TIAM2: variants seen among roughly 807,000 people sequenced by gnomAD.
TIAM2 encodes rho guanine nucleotide exchange factor TIAM2.
In TIAM2, 80 loss-of-function variants were observed where a neutral mutation model predicts 152.9. The ratio of observed to expected loss-of-function variants is 0.52; its 90% confidence interval spans 0.44 to 0.63. The LOEUF is 0.63. Among genes scored for constraint, TIAM2 ranks in the 30% least tolerant of loss-of-function variants. The pLI is 0.00. For synonymous variants in TIAM2, 804 were observed against 838.0 expected (o/e 0.96, Z 0.70); for missense variants, 1,965 against 2,120.1 (o/e 0.93, Z 1.44).
intron 1 of TIAM2, among the ~76,000 whole-genome samples, chr6:155,030,894 A>C (rs1167435815): frequency 6.6e-6 from 1 of 152,140 alleles, no homozygotes; most frequent in Non-Finnish European, 1.5e-5. Context: ...GTCTCTCGTT[A>C]GAAGACTTGG....
chr6:155,245,763 T>TTTTTG, intron 19 of TIAM2, 32 bp downstream of exon 19: 1 of 1,459,302 alleles, frequency 6.9e-7, no homozygotes, highest in Non-Finnish European at 9.3e-7. Flanking sequence ...TAGTTTTTTT[T>TTTTTG]TTTTTTTGCA....
At chr6:155,090,622 C>A (rs1423536016) in intron 2 of TIAM2, among the ~76,000 whole-genome samples, 2 of 152,146 alleles carry the variant, frequency 1.3e-5, no homozygotes. Flanking sequence ...ATGGTCCACT[C>A]AGTGTGGAAA....
chr6:155,043,706 C>G (rs1777098383), intron 1 of TIAM2, among the ~76,000 whole-genome samples: 1 of 151,750 alleles, frequency 6.6e-6, no homozygotes, highest in Non-Finnish European at 1.5e-5. Flanking sequence ...AGGAGCCCCC[C>G]TGCACCCCCA....
chr6:155,029,437 ATTATACTATAGTATATAT>A lies in TIAM2; in HGVS notation c.-209+33947_-209+33964del, dbSNP rs1562295098. On this transcript the variant is annotated intron_variant, in intron 1 of 26. Transcript: ENST00000682666. ...ATATACTATATATACTATAGTATAT[ATTATACTATAGTATATAT>A]TATATATAATATATACTATAGTATA... Among the ~76,000 whole-genome samples the A allele has an allele frequency of 7.6e-4, 31 of 40,590 alleles. 2 individuals carry two copies. Among genetic ancestry groups the A allele is most frequent in the Admixed American group, 2.6e-3 (5 of 1,948 alleles). The allele number at this position is 40,590 out of a possible 152,430, so 26.6% of individuals were successfully genotyped here.
chr6:155,150,769 T>C (rs1779936965), intron 7 of TIAM2, among the ~76,000 whole-genome samples: 3 of 152,032 alleles, frequency 2.0e-5, no homozygotes, highest in Admixed American at 2.0e-4. Context: ...TCTTCTTAAC[T>C]GTATTCTAGC....
chr6:155,256,291 A>T (rs1562378557), intron 26 of TIAM2, 193 bp from the exon 27 acceptor site: 1 of 769,462 alleles, frequency 1.3e-6, no homozygotes, highest in Non-Finnish European at 2.0e-6. Context: ...CTAACTTACA[A>T]CTGTAAACCT....
intron 14 of TIAM2, among the ~76,000 whole-genome samples, chr6:155,194,220 G>A (rs1226463595): frequency 1.3e-5 from 2 of 152,210 alleles, no homozygotes; most frequent in African/African-American, 4.8e-5. Context: ...CTGTGGGGAG[G>A]TGTGTGAGTA....
chr6:155,163,331 C>T (rs1780324769), intron 7 of TIAM2, among the ~76,000 whole-genome samples: 1 of 152,200 alleles, frequency 6.6e-6, no homozygotes, highest in South Asian at 2.1e-4. Flanking sequence ...TCTGCTGAGT[C>T]CCTGTGTTGG....
intron 14 of TIAM2, among the ~76,000 whole-genome samples, chr6:155,196,246 T>C (rs999999554): frequency 3.9e-5 from 6 of 152,138 alleles, no homozygotes; most frequent in African/African-American, 9.7e-5. Flanking sequence ...ATCCAGAAAG[T>C]TGGAGTTTCC....
intron 1 of TIAM2, among the ~76,000 whole-genome samples, chr6:155,057,270 C>T (rs1215253080): frequency 6.6e-6 from 1 of 151,212 alleles, no homozygotes; most frequent in Non-Finnish European, 1.5e-5. Flanking sequence ...AACTCCCTAA[C>T]TTAAGCGATT....
chr6:155,185,542 G>A (rs1253301188), intron 14 of TIAM2, among the ~76,000 whole-genome samples: 1 of 145,710 alleles, frequency 6.9e-6, no homozygotes, highest in Non-Finnish European at 1.5e-5. Context: ...TTATTTATTG[G>A]CAAGGAAACA....
chr6:155,078,612 G>A (rs1037452154), intron 1 of TIAM2, among the ~76,000 whole-genome samples: 2 of 152,118 alleles, frequency 1.3e-5, no homozygotes, highest in Non-Finnish European at 2.9e-5. Context: ...AGCCAGCAAG[G>A]CTTTCCAGCT....
chr6:155,179,905 A>G (rs1489634655), intron 12 of TIAM2, among the ~76,000 whole-genome samples: 1 of 152,126 alleles, frequency 6.6e-6, no homozygotes, highest in Non-Finnish European at 1.5e-5. Context: ...GCTGTCCTTC[A>G]AGAACTAACT....
chr6:155,109,312 G>A (rs1391816581), intron 2 of TIAM2, among the ~76,000 whole-genome samples: 1 of 152,132 alleles, frequency 6.6e-6, no homozygotes, highest in African/African-American at 2.4e-5. Context: ...AAAAATACAG[G>A]CCGTGAAGAA....
At chr6:155,048,662 C>T (rs949079079) in intron 1 of TIAM2, among the ~76,000 whole-genome samples, 1 of 152,004 alleles carries the variant, frequency 6.6e-6, no homozygotes, top group Non-Finnish European at 1.5e-5. Flanking sequence ...ACTCGGGAGG[C>T]CGCATTAGGA....
At chr6:155,124,209 T>G (rs2115028723) in intron 2 of TIAM2, among the ~76,000 whole-genome samples, 1 of 152,108 alleles carries the variant, frequency 6.6e-6, no homozygotes, top group Non-Finnish European at 1.5e-5. Context: ...TTAGTAGAGA[T>G]GGAGTTTCAC....
intron 1 of TIAM2, among the ~76,000 whole-genome samples, chr6:155,030,538 C>T (rs952214701): frequency 6.6e-6 from 1 of 152,108 alleles, no homozygotes; most frequent in Non-Finnish European, 1.5e-5. Context: ...CCGCAAGCCT[C>T]CTGGTATTGT....
chr6:155,000,531 A>C (rs76998974), intron 1 of TIAM2, among the ~76,000 whole-genome samples: 2 of 87,224 alleles, frequency 2.3e-5, no homozygotes, highest in African/African-American at 8.5e-5. Flanking sequence ...AACTGTTGCA[A>C]AAAAAAAAAA....
At chr6:155,167,450 G>C (rs1438803230) in intron 9 of TIAM2, among the ~76,000 whole-genome samples, 1 of 152,116 alleles carries the variant, frequency 6.6e-6, no homozygotes, top group African/African-American at 2.4e-5. Flanking sequence ...TCAAACTTCT[G>C]GGCTCATGTG....
Sources: allele counts gnomAD v4.1 joint callset (sites outside exome capture counted in the v4.1 genomes callset), GRCh38; gene constraint gnomAD v4.1.1; transcripts MANE v1.5; gene names NCBI Gene and HGNC (gene_info 2026-07-23, HGNC 2026-07-21).